Variants in ATRN observed in about 807,000 individuals in gnomAD.
ATRN encodes attractin, also known as attractin-2.
Under a neutral mutation model 178.7 loss-of-function variants are expected in ATRN, and 54 were observed. That is an observed-to-expected ratio of 0.30 (90% CI 0.24 to 0.38). The LOEUF is 0.38. Among genes scored for constraint, ATRN ranks in the 10% least tolerant of loss-of-function variants. The pLI, the probability that ATRN is intolerant of heterozygous loss-of-function variation, is 1.00. For synonymous variants in ATRN, 636 were observed against 663.0 expected, an observed-to-expected ratio of 0.96 and a Z score of 0.63; for missense variants, 1,443 against 1,815.1, an observed-to-expected ratio of 0.79 and a Z score of 3.73.
intron 1 of ATRN, among the ~76,000 whole-genome samples, chr20:3,474,284 G>C (rs1384097697): frequency 6.6e-6 from 1 of 152,170 alleles, no homozygotes; most frequent in Non-Finnish European, 1.5e-5. Flanking sequence ...GATTCTAGGT[G>C]ATGTCAGTGC....
chr20:3,520,526 G>A (rs1358843959), intron 1 of ATRN, among the ~76,000 whole-genome samples: 1 of 152,068 alleles, frequency 6.6e-6, no homozygotes, highest in Admixed American at 6.5e-5. Context: ...ACAGAATCTT[G>A]CTCTGTCACC....
chr20:3,546,640 C>T (rs1468200057), intron 4 of ATRN, among the ~76,000 whole-genome samples: 1 of 152,080 alleles, frequency 6.6e-6, no homozygotes, highest in Admixed American at 6.6e-5. Flanking sequence ...ATTCGCCAAC[C>T]TCGGCCTCCC....
At chr20:3,565,236 G>A in intron 10 of ATRN, 112 bp from the exon 11 acceptor site, 1 of 743,718 alleles carries the variant, frequency 1.3e-6, no homozygotes, top group Non-Finnish European at 2.2e-6. Flanking sequence ...AGAAAATTGA[G>A]AGGCATGTTT....
chr20:3,494,213 T>C (rs570456897), intron 1 of ATRN, among the ~76,000 whole-genome samples: 1 of 152,278 alleles, frequency 6.6e-6, no homozygotes, highest in African/African-American at 2.4e-5. Flanking sequence ...CCACGAAGAC[T>C]TAATGCAGGT....
rs549907177 is a variant in ATRN, at chr20:3,557,044, C to T, written c.1113-2349C>T. Reference sequence around the variant, plus strand: ...TTCCTTTCTTTTAAACATACAGAAACAAGCCTCTGGCTTGAACATAAAGTC... The same window carrying T: ...TTCCTTTCTTTTAAACATACAGAAATAAGCCTCTGGCTTGAACATAAAGTC... On this transcript the variant is annotated intron_variant, in intron 6 of 28. Coordinates refer to ENST00000262919, the MANE Select transcript of ATRN (RefSeq NM_139321.3). Among the ~76,000 whole-genome samples, 8 of 152,316 alleles carry T rather than the reference C, an allele frequency of 5.3e-5. No homozygotes were observed. In the East Asian group the frequency reaches 7.7e-4, roughly 15 times the overall value.
At chr20:3,611,347 G>A (rs1483936123) in intron 24 of ATRN, among the ~76,000 whole-genome samples, 2 of 152,072 alleles carry the variant, frequency 1.3e-5, no homozygotes, top group Non-Finnish European at 2.9e-5. Flanking sequence ...GTAAACAAAC[G>A]AACAATTCAG....
intron 25 of ATRN, among the ~76,000 whole-genome samples, chr20:3,627,806 C>A (rs2086954578): frequency 6.6e-6 from 1 of 152,166 alleles, no homozygotes; most frequent in South Asian, 2.1e-4. Flanking sequence ...GTTCTGTATC[C>A]ATTTTTAAAA....
chr20:3,511,078 A>G (rs1054638402), intron 1 of ATRN, among the ~76,000 whole-genome samples: 6 of 152,218 alleles, frequency 3.9e-5, no homozygotes, highest in Non-Finnish European at 7.3e-5. Context: ...TGAAAGTATT[A>G]TCTGTCAAAC....
intron 6 of ATRN, among the ~76,000 whole-genome samples, chr20:3,555,000 T>A (rs1451820642): frequency 8.8e-6 from 1 of 113,304 alleles, no homozygotes; most frequent in Non-Finnish European, 1.9e-5. Flanking sequence ...CTTTTTTTTT[T>A]TTTTTTTTTT....
At chr20:3,522,517 C>T (rs527601416) in intron 1 of ATRN, among the ~76,000 whole-genome samples, 4 of 152,304 alleles carry the variant, frequency 2.6e-5, no homozygotes, top group Non-Finnish European at 4.4e-5. Context: ...TCCTGCCTGC[C>T]GGCTCTGAAG....
chr20:3,523,538 C>T (rs2085324647), intron 1 of ATRN, among the ~76,000 whole-genome samples: 1 of 151,986 alleles, frequency 6.6e-6, no homozygotes, highest in East Asian at 1.9e-4. Context: ...CAAGACAGGC[C>T]AACATTCAAA....
At chr20:3,644,806 C>T (rs184822970) in intron 28 of ATRN, among the ~76,000 whole-genome samples, 5 of 152,312 alleles carry the variant, frequency 3.3e-5, no homozygotes, top group African/African-American at 7.2e-5. Flanking sequence ...ATAAAGGAAA[C>T]GTCTGAAAAT....
intron 1 of ATRN, among the ~76,000 whole-genome samples, chr20:3,476,818 C>G (rs1397866163): frequency 3.9e-5 from 6 of 152,224 alleles, no homozygotes; most frequent in Admixed American, 1.3e-4. Context: ...CGAGATTGTG[C>G]CATTGCACTC....
intron 3 of ATRN, 131 bp from the exon 4 acceptor site, chr20:3,545,630 AC>A (rs2085689620): frequency 1.8e-6 from 2 of 1,125,856 alleles, no homozygotes; most frequent in Non-Finnish European, 2.5e-6. Context: ...TGTGTTTATC[AC>A]AGGAATTTGC....
At position 3,624,635 on chromosome 20, in the gene ATRN, G is replaced by C. The variant is rs1489688399; in HGVS notation, c.3863+63G>C. The C allele has an allele frequency of 4.8e-6, 6 of 1,245,284 alleles. No homozygotes were observed. In the Middle Eastern group the frequency reaches 5.6e-4, roughly 116 times the overall value. The allele number at this position is 1,245,284 out of a possible 1,614,324, so 77.1% of individuals were successfully genotyped here. On this transcript the variant is annotated intron_variant, in intron 25 of 28. Coordinates refer to ENST00000262919, the MANE Select transcript of ATRN (RefSeq NM_139321.3). ...TTTAGGCACTAGATCCATTAATAGA[G>C]TATCAGCTCCTAAAAGATAAAAAGA...
chr20:3,597,924 A>C lies in ATRN; in HGVS notation c.3488A>C (p.Tyr1163Ser). ...GTCYYTLLIDYQFTFSLSQED... is the reference protein window; with the variant it reads ...GTCYYTLLIDSQFTFSLSQED... Reference sequence around the variant, plus strand: ...TCCATAGATACTCTTCTTATTGACTATCAGTTCACCTTTAGTCTATCCCAG... The same window carrying C: ...TCCATAGATACTCTTCTTATTGACTCTCAGTTCACCTTTAGTCTATCCCAG... Residue 1163 changes from tyrosine to serine, a missense_variant, in exon 22 of 29, where the codon TAT (tyrosine) becomes TCT (serine). This residue lies in a region of ATRN where 289 missense variants were observed against 440.8 expected (regional missense o/e 0.66). Coordinates refer to ENST00000262919, the MANE Select transcript of ATRN (RefSeq NM_139321.3). 6.2e-7 allele frequency: 1 copy of C among 1,605,738 alleles called. No individual in the cohort carries two copies. Among genetic ancestry groups the C allele is most frequent in the East Asian group, 2.2e-5 (1 of 44,806 alleles).
At chr20:3,560,584 T>C (rs2085937196) in intron 7 of ATRN, 78 bp from the exon 8 acceptor site, 3 of 1,238,496 alleles carry the variant, frequency 2.4e-6, no homozygotes, top group Non-Finnish European at 3.4e-6. Flanking sequence ...GAGAATAATA[T>C]TGAGCTTTTG....
chr20:3,519,300 A>T (rs1419584432), intron 1 of ATRN, among the ~76,000 whole-genome samples: 1 of 152,244 alleles, frequency 6.6e-6, no homozygotes, highest in East Asian at 1.9e-4. Context: ...CACACAGTGT[A>T]CTCAGAGCCT....
chr20:3,596,974 T>TC (rs895872512), intron 21 of ATRN, among the ~76,000 whole-genome samples: 1 of 151,204 alleles, frequency 6.6e-6, no homozygotes, highest in Non-Finnish European at 1.5e-5. Context: ...TTATGGCATA[T>TC]CCATTGTAAT....
Sources: allele counts gnomAD v4.1 joint callset (sites outside exome capture counted in the v4.1 genomes callset), GRCh38; gene constraint gnomAD v4.1.1; regional missense constraint gnomAD v4.1.1; transcripts MANE v1.5; gene names NCBI Gene and HGNC (gene_info 2026-07-23, HGNC 2026-07-21).